PUM3: variants seen among roughly 807,000 people sequenced by gnomAD.
PUM3 encodes pumilio RNA binding family member 3.
PUM3 carries 91 observed loss-of-function variants against 84.0 expected under a neutral mutation model. That is an observed-to-expected ratio of 1.08 (90% CI 0.91 to 1.29). PUM3 has a LOEUF of 1.29. PUM3 is among the 50% of genes most tolerant of loss of function. PUM3 has a pLI of 0.00. For synonymous variants in PUM3, 321 were observed against 266.7 expected (o/e 1.20, Z -1.98); for missense variants, 1,067 against 767.5 (o/e 1.39, Z -4.61).
At position 2,810,327 on chromosome 9, in the gene PUM3, C is replaced by G; in HGVS notation, c.1723+17G>C. ...TTCCACATGAGATACAAGAAAAGGT[C>G]AAATTTCATAGCCTACCTTCTCTCC... is the stretch of plus-strand genomic sequence containing the variant. On this transcript the variant is annotated intron_variant, in intron 16 of 17. Transcript: ENST00000397885. The G allele has an allele frequency of 6.5e-7, 1 of 1,541,246 alleles. No individual in the cohort carries two copies. Among genetic ancestry groups the G allele is most frequent in the South Asian group, 1.1e-5 (1 of 89,308 alleles).
chr9:2,811,645 T>A, intron 14 of PUM3, 62 bp from the exon 15 acceptor site: 1 of 1,257,592 alleles, frequency 8.0e-7, no homozygotes. Flanking sequence ...TGTGGTGATA[T>A]TATCACAAAA....
At chr9:2,831,565 C>T (rs568055131) in intron 5 of PUM3, among the ~76,000 whole-genome samples, 1 of 152,158 alleles carries the variant, frequency 6.6e-6, no homozygotes, top group African/African-American at 2.4e-5. Flanking sequence ...GACATTGAGG[C>T]AAGGATAAAT....
At chr9:2,836,875 G>A (rs996974789) in intron 3 of PUM3, among the ~76,000 whole-genome samples, 3 of 152,006 alleles carry the variant, frequency 2.0e-5, no homozygotes, top group African/African-American at 2.4e-5. Flanking sequence ...ATACTCGTTC[G>A]ATGAACGAAT....
intron 3 of PUM3, among the ~76,000 whole-genome samples, chr9:2,836,744 T>C (rs1194431855): frequency 6.6e-6 from 1 of 152,152 alleles, no homozygotes; most frequent in African/African-American, 2.4e-5. Context: ...GACAGACTGA[T>C]TCTTTAAAGC....
chr9:2,826,531 A>C (rs898255722), intron 10 of PUM3, among the ~76,000 whole-genome samples: 5 of 152,222 alleles, frequency 3.3e-5, no homozygotes, highest in Admixed American at 1.3e-4. Flanking sequence ...ATGGACAATG[A>C]GCTCACTGTA....
rs767858509 is a variant in PUM3, at chr9:2,804,405, A to AG, written c.1872dup (p.Ile626AspfsTer19). 2.5e-6 allele frequency: 4 copies of AG among 1,614,066 alleles called. No homozygotes were observed. Among genetic ancestry groups the AG allele is most frequent in the Non-Finnish European group, 3.4e-6 (4 of 1,179,974 alleles). On this transcript the variant is annotated frameshift_variant, in exon 18 of 18. Transcript: ENST00000397885. LOFTEE classifies it high-confidence loss of function. ...TTGGTTTTTTCCAATGTAGGAATCAAGCTTTTCAGTGCAGCTTTGACTTTG... is the reference window on the plus strand; with the variant it reads ...TTGGTTTTTTCCAATGTAGGAATCAAGGCTTTTCAGTGCAGCTTTGACTTTG...
intron 3 of PUM3, 28 bp downstream of exon 3, chr9:2,837,152 G>A (rs377007435): frequency 4.4e-6 from 7 of 1,579,538 alleles, no homozygotes; most frequent in Non-Finnish European, 6.1e-6. Flanking sequence ...TCAGGCACTA[G>A]TTCAGGCATG....
chr9:2,840,786 G>T (rs1816247114), intron 1 of PUM3, among the ~76,000 whole-genome samples: 1 of 152,094 alleles, frequency 6.6e-6, no homozygotes. Context: ...CTGGCTCCAG[G>T]TTCCTTCTGT....
Position 2,804,381 on chromosome 9 carries a change from T to C in PUM3, c.1897A>G (p.Lys633Glu), listed in dbSNP as rs2129772388. The C allele has an allele frequency of 1.9e-6, 3 of 1,614,124 alleles. No homozygotes were observed. Among genetic ancestry groups the C allele is most frequent in the Non-Finnish European group, 2.5e-6 (3 of 1,180,000 alleles). The change falls in exon 18 of 18, where the codon AAA (lysine) becomes GAA (glutamate). Residue 633 changes from lysine to glutamate, a missense_variant. Transcript: ENST00000397885. ...KSLIPTLEKTKSTSKGIEILL... is the reference protein window; with the variant it reads ...KSLIPTLEKTESTSKGIEILL... ...ATTTCTATTCCTTTGCTGGTGCTTT[T>C]GGTTTTTTCCAATGTAGGAATCAAG... is the stretch of plus-strand genomic sequence containing the variant.
rs919959399 is a variant in PUM3, at chr9:2,814,172, G to A, written c.1270-1810C>T. Among the ~76,000 whole-genome samples, 3 of 152,072 alleles carry A rather than the reference G, an allele frequency of 2.0e-5. No individual in the cohort carries two copies. The East Asian group carries it at 5.8e-4, about 29-fold the overall frequency. On this transcript the variant is annotated intron_variant, in intron 13 of 17. Transcript: ENST00000397885. ...CATACAGAACTTGTTACAAGGCAGG[G>A]AACTCTCTCAAGGAAAACAAGCTCC...
At chr9:2,807,141 G>C (rs1821274821) in intron 17 of PUM3, among the ~76,000 whole-genome samples, 1 of 152,058 alleles carries the variant, frequency 6.6e-6, no homozygotes, top group South Asian at 2.1e-4. Flanking sequence ...CCAGGAGGCA[G>C]AGCTTGCAGT....
chr9:2,825,031 A>G (rs1815773921), intron 10 of PUM3, among the ~76,000 whole-genome samples: 1 of 152,242 alleles, frequency 6.6e-6, no homozygotes, highest in Non-Finnish European at 1.5e-5. Context: ...GCTGGCAGAC[A>G]ATATCTATTA....
intron 10 of PUM3, among the ~76,000 whole-genome samples, chr9:2,826,373 T>C (rs1249045101): frequency 1.3e-5 from 2 of 152,202 alleles, no homozygotes; most frequent in African/African-American, 4.8e-5. Flanking sequence ...CATCAAACCA[T>C]AAGCTTACGT....
intron 9 of PUM3, 24 bp from the exon 10 acceptor site, chr9:2,827,175 A>T: frequency 1.3e-6 from 2 of 1,570,284 alleles, no homozygotes; most frequent in Non-Finnish European, 1.7e-6. Context: ...AAAAAAGCAA[A>T]AAGACACAAC....
At chr9:2,810,256 C>CTTT in intron 16 of PUM3, 88 bp downstream of exon 16, 1 of 841,348 alleles carries the variant, frequency 1.2e-6, no homozygotes. Flanking sequence ...TTCATTTGAG[C>CTTT]TTAAATGGCT....
intron 13 of PUM3, among the ~76,000 whole-genome samples, chr9:2,818,441 A>C (rs1413709318): frequency 2.6e-5 from 4 of 152,266 alleles, no homozygotes. Context: ...CAATTCTGGC[A>C]AATCATGAAG....
At chr9:2,830,015 A>G in intron 7 of PUM3, 67 bp from the exon 8 acceptor site, 1 of 1,420,380 alleles carries the variant, frequency 7.0e-7, no homozygotes, top group East Asian at 2.3e-5. Context: ...ATAAAACACA[A>G]CTTACTTCTC....
chr9:2,824,777 C>T lies in PUM3; in HGVS notation c.1074G>A (p.Leu358=), dbSNP rs1815764388. 1.3e-6 allele frequency: 2 copies of T among 1,585,148 alleles called. No individual in the cohort carries two copies. The part of the protein sequence containing the change: ...IEAIREAVVY[L]AHTHDGARVA... ...CTCTGGCGCCATCGTGTGTGTGTGC[C>T]AGGTAGACCACCGCTTCGCGGATGG... The change falls in exon 11 of 18, where the codon CTG becomes CTA. Residue 358 remains leucine, a synonymous_variant. Transcript: ENST00000397885.
intron 5 of PUM3, among the ~76,000 whole-genome samples, chr9:2,833,011 G>C (rs1194809682): frequency 1.3e-5 from 2 of 152,136 alleles, no homozygotes; most frequent in African/African-American, 2.4e-5. Flanking sequence ...ATATAAAGAA[G>C]TTGGCAATTG....
Sources: allele counts gnomAD v4.1 joint callset (sites outside exome capture counted in the v4.1 genomes callset), GRCh38; gene constraint gnomAD v4.1.1; transcripts MANE v1.5; gene names NCBI Gene and HGNC (gene_info 2026-07-23, HGNC 2026-07-21).